TAF1B: variants seen among roughly 807,000 people sequenced by gnomAD.
TAF1B encodes the protein TATA box-binding protein-associated factor RNA polymerase I subunit B.
A neutral mutation model predicts 83.9 loss-of-function variants in TAF1B; 61 were observed. That is an observed-to-expected ratio of 0.73 (90% CI 0.59 to 0.90). The LOEUF (loss-of-function observed/expected upper bound fraction) is 0.90. Among genes scored for constraint, TAF1B ranks in the 40% least tolerant of loss-of-function variants. The pLI is 0.00. For synonymous variants in TAF1B, 221 were observed against 224.6 expected (o/e 0.98, Z 0.14); for missense variants, 625 against 677.0 (o/e 0.92, Z 0.85).
chr2:9,875,811 TTTG>T lies in TAF1B; in HGVS notation c.554-51_554-49del. The T allele has an allele frequency of 6.0e-6, 9 of 1,508,938 alleles. No homozygotes were observed. The South Asian group carries it at 1.2e-4, about 20-fold the overall frequency. 93.5% of individuals were successfully genotyped at this position (1,508,938 alleles called of 1,614,324 possible). On this transcript the variant is annotated intron_variant, in intron 6 of 14. Transcript: ENST00000263663. ...TGTTTAGATTTTTTGCTGTTTTTCTTTTGTTATCCAAATAGTTCACTGGATTTT... is the reference window on the plus strand; with the variant it reads ...TGTTTAGATTTTTTGCTGTTTTTCTTTTATCCAAATAGTTCACTGGATTTT...
Position 9,914,803 on chromosome 2 carries a change from C to T in TAF1B, c.1271+1554C>T, listed in dbSNP as rs992586905. 1.3e-5 allele frequency among the ~76,000 whole-genome samples: 2 copies of T among 152,170 alleles called. No individual in the cohort carries two copies. Among genetic ancestry groups the T allele is most frequent in the Admixed American group, 6.5e-5 (1 of 15,280 alleles). On this transcript the variant is annotated intron_variant, in intron 12 of 14. Coordinates refer to ENST00000263663, the MANE Select transcript of TAF1B (RefSeq NM_005680.3). The surrounding 1 kb of genome is among the most constrained non-coding windows in gnomAD (Gnocchi z 4.3). ...AGTATGTGCTGAGGGCTGACACACA[C>T]GTGCAGTGTGAGTCACTGCTGAGTA...
chr2:9,917,732 C>G (rs1391496247), intron 12 of TAF1B, among the ~76,000 whole-genome samples: 2 of 152,188 alleles, frequency 1.3e-5, no homozygotes, highest in Admixed American at 1.3e-4. Context: ...ACAGTCTCTG[C>G]CTTTAAGAAC....
chr2:9,876,977 A>G (rs1157996928), intron 7 of TAF1B, among the ~76,000 whole-genome samples: 12 of 152,174 alleles, frequency 7.9e-5, no homozygotes, highest in African/African-American at 2.9e-4. Context: ...GATTAAATGT[A>G]ATGCCTCCAG....
At chr2:9,888,354 T>TA (rs2125158835) in intron 8 of TAF1B, among the ~76,000 whole-genome samples, 1 of 152,322 alleles carries the variant, frequency 6.6e-6, no homozygotes, top group South Asian at 2.1e-4. Flanking sequence ...TCAAGAGATT[T>TA]AAAATGAGAA....
chr2:9,863,339 A>G (rs1663845043), intron 5 of TAF1B, among the ~76,000 whole-genome samples: 1 of 152,246 alleles, frequency 6.6e-6, no homozygotes, highest in Admixed American at 6.5e-5. Context: ...AAAGATCAAA[A>G]GAGACAAAGG....
chr2:9,926,677 A>G (rs1308673279), intron 14 of TAF1B, among the ~76,000 whole-genome samples: 2 of 152,026 alleles, frequency 1.3e-5, no homozygotes, highest in African/African-American at 2.4e-5. Context: ...CATCTCTACT[A>G]AAAATACAAA....
chr2:9,881,080 T>A (rs1664488578), intron 7 of TAF1B, among the ~76,000 whole-genome samples: 1 of 152,176 alleles, frequency 6.6e-6, no homozygotes, highest in Non-Finnish European at 1.5e-5. Context: ...ACTTCTGTAA[T>A]TCCAGCACTG....
At chr2:9,901,793 T>C (rs1248458889) in intron 8 of TAF1B, among the ~76,000 whole-genome samples, 1 of 152,312 alleles carries the variant, frequency 6.6e-6, no homozygotes, top group Admixed American at 6.5e-5. Flanking sequence ...CAAAGTTCAC[T>C]GAGAACTTAT....
chr2:9,924,302 C>A (rs772836487), intron 14 of TAF1B, among the ~76,000 whole-genome samples: 1 of 152,120 alleles, frequency 6.6e-6, no homozygotes, highest in African/African-American at 2.4e-5. Flanking sequence ...CGCTCAGAGC[C>A]CCTGACTCTG....
intron 6 of TAF1B, chr2:9,868,756 GA>G (rs1242422524): frequency 4.0e-6 from 2 of 496,912 alleles, no homozygotes; most frequent in Non-Finnish European, 8.1e-6. Context: ...AGTTGTAGCA[GA>G]AAAATGTTAT....
At chr2:9,902,229 T>A (rs199748656) in intron 8 of TAF1B, among the ~76,000 whole-genome samples, 38,967 of 93,200 alleles carry the variant, frequency 0.42, 5,751 homozygotes, top group Middle Eastern at 0.51. Flanking sequence ...ATATGAAGCT[T>A]TTTTTTTTTT....
intron 5 of TAF1B, among the ~76,000 whole-genome samples, chr2:9,854,860 A>G (rs925122901): frequency 6.6e-6 from 1 of 152,208 alleles, no homozygotes; most frequent in African/African-American, 2.4e-5. Flanking sequence ...AAATCTGGGT[A>G]TTCTCCCATA....
intron 8 of TAF1B, 117 bp from the exon 9 acceptor site, chr2:9,904,742 C>T: frequency 2.0e-6 from 2 of 1,002,102 alleles, no homozygotes; most frequent in Admixed American, 2.7e-5. Flanking sequence ...TGCACAACTT[C>T]ACCAGCATCT....
In TAF1B at chr2:9,868,407, C is replaced by T. The variant is rs201142219; in HGVS notation, c.531C>T (p.Pro177=). ...QSDIHTRKPF[P]VSKASQSETS... is the part of the protein sequence containing the mutation. ...ACATCCACACTCGAAAACCTTTCCC[C>T]GTCAGCAAAGCATCACAATCAGGTA... The change falls in exon 6 of 15, where the codon CCC becomes CCT. Residue 177 remains proline (P), a synonymous_variant. Coordinates refer to ENST00000263663, the MANE Select transcript of TAF1B (RefSeq NM_005680.3). 20 of 1,612,830 alleles carry T rather than the reference C, an allele frequency of 1.2e-5. No homozygotes were observed. Among genetic ancestry groups the T allele is most frequent in the Middle Eastern group, 1.7e-4 (1 of 6,058 alleles).
intron 5 of TAF1B, among the ~76,000 whole-genome samples, chr2:9,855,657 C>T (rs1188353375): frequency 6.6e-6 from 1 of 152,026 alleles, no homozygotes; most frequent in East Asian, 1.9e-4. Flanking sequence ...GCACTCCAGC[C>T]TGGGCAACAG....
intron 8 of TAF1B, among the ~76,000 whole-genome samples, chr2:9,900,598 C>T (rs576159339): frequency 6.6e-6 from 1 of 152,138 alleles, no homozygotes; most frequent in Non-Finnish European, 1.5e-5. Context: ...GAGCTAGAAG[C>T]AGATATAGGG....
chr2:9,897,680 G>A (rs750662510), intron 8 of TAF1B, among the ~76,000 whole-genome samples: 2 of 152,204 alleles, frequency 1.3e-5, no homozygotes, highest in African/African-American at 4.8e-5. Flanking sequence ...GTCCAGAGCT[G>A]TCAGTCACTT....
intron 4 of TAF1B, 23 bp from the exon 5 acceptor site, chr2:9,854,303 C>T (rs1663489785): frequency 3.8e-6 from 6 of 1,575,600 alleles, no homozygotes; most frequent in Non-Finnish European, 5.2e-6. Context: ...AATCACCCAC[C>T]ACTCATTTCC....
chr2:9,860,592 C>T (rs545638183), intron 5 of TAF1B, among the ~76,000 whole-genome samples: 1 of 152,216 alleles, frequency 6.6e-6, no homozygotes, highest in Non-Finnish European at 1.5e-5. Context: ...TAACTTAGCC[C>T]TAGGTCATTC....
Sources: allele counts gnomAD v4.1 joint callset (sites outside exome capture counted in the v4.1 genomes callset), GRCh38; gene constraint gnomAD v4.1.1; non-coding constraint Gnocchi (gnomAD v3.1); transcripts MANE v1.5; gene names NCBI Gene and HGNC (gene_info 2026-07-23, HGNC 2026-07-21).